Variants in PPP2R3B observed in about 807,000 individuals in gnomAD.
PPP2R3B encodes the protein serine/threonine-protein phosphatase 2A regulatory subunit B'' subunit beta.
Under a neutral mutation model 72.9 loss-of-function variants are expected in PPP2R3B, and 68 were observed. The ratio of observed to expected loss-of-function variants is 0.93; its 90% CI spans 0.77 to 1.14. The LOEUF (loss-of-function observed/expected upper bound fraction) is 1.14. Among genes scored for constraint, PPP2R3B ranks in the 50% most tolerant of loss-of-function variants. PPP2R3B has a pLI of 0.00. For synonymous variants in PPP2R3B, 466 were observed against 375.8 expected (o/e 1.24, Z -2.78); for missense variants, 1,018 against 842.0 (o/e 1.21, Z -2.59).
chrX:338,094 G>A (rs769678783), intron 12 of PPP2R3B: 11 of 176,910 alleles, frequency 6.2e-5, no homozygotes, highest in Admixed American at 2.7e-4. Flanking sequence ...GAAAACATAC[G>A]TCACAAACTG....
rs778507010 is a variant in PPP2R3B, at chrX:361,425, C to T, written c.490G>A (p.Asp164Asn). 1.1e-5 allele frequency: 17 copies of T among 1,613,892 alleles called. No homozygotes were observed. The highest frequency in any genetic ancestry group is 1.7e-5 in the Admixed American group (1 of 60,000). The change falls in exon 2 of 13, where the codon GAC becomes AAC. Residue 164 changes from aspartate (D) to asparagine (N), a missense_variant. Asp to Asn is a conservative substitution (Grantham distance 23, BLOSUM62 1). Transcript: ENST00000390665. ...CGTACCTTGGCCACCAGGCCCATGT[C>T]ATCCATGGTGGCCCTCTCGTGGGGG... Reference protein sequence around the residue: ...RFPHERATMDDMGLVAKACGC... With the variant: ...RFPHERATMDNMGLVAKACGC...
chrX:372,664 T>A (rs1051783218), intron 1 of PPP2R3B, among the ~76,000 whole-genome samples: 2 of 152,152 alleles, frequency 1.3e-5, no homozygotes, highest in Non-Finnish European at 2.9e-5. Flanking sequence ...GAACTGAGAT[T>A]AAATTTCAAA....
intron 2 of PPP2R3B, among the ~76,000 whole-genome samples, chrX:357,810 A>T (rs1334866708): frequency 6.6e-6 from 1 of 152,062 alleles, no homozygotes; most frequent in Non-Finnish European, 1.5e-5. Flanking sequence ...GGAGCTGATG[A>T]CTCTGTCTCA....
chrX:346,451 G>A, intron 5 of PPP2R3B, 191 bp from the exon 6 acceptor site: 1 of 641,996 alleles, frequency 1.6e-6, no homozygotes, highest in Non-Finnish European at 2.6e-6. Context: ...GGGAGGGTCT[G>A]GCCGGGGACG....
intron 1 of PPP2R3B, among the ~76,000 whole-genome samples, chrX:386,105 T>C (rs1346445126): frequency 6.8e-6 from 1 of 148,148 alleles, no homozygotes; most frequent in Non-Finnish European, 1.5e-5. Context: ...ATTAAAATAA[T>C]AAAATAAAAT....
rs758805427 is a variant in PPP2R3B, at chrX:354,409, G to A, written c.511-6716C>T. Among the ~76,000 whole-genome samples, 479 of 151,702 alleles carry A rather than the reference G, an allele frequency of 3.2e-3. 1 individual carries two copies. Among genetic ancestry groups the A allele is most frequent in the Non-Finnish European group, 5.6e-3 (381 of 67,812 alleles). ...AACAGGGACCGGGGGCTCACCCAAG[G>A]ACCGGGGCTGCCTTCACACTCAGAC... On this transcript the variant is annotated intron_variant, in intron 2 of 12. Coordinates refer to ENST00000390665, the MANE Select transcript of PPP2R3B (RefSeq NM_013239.5).
chrX:349,912 C>G (rs2071293036), intron 2 of PPP2R3B, among the ~76,000 whole-genome samples: 1 of 152,154 alleles, frequency 6.6e-6, no homozygotes, highest in Admixed American at 6.5e-5. Flanking sequence ...CCAGACGACT[C>G]TGTTGACCCA....
At chrX:383,449 A>G (rs988389659) in intron 1 of PPP2R3B, among the ~76,000 whole-genome samples, 7 of 152,214 alleles carry the variant, frequency 4.6e-5, no homozygotes, top group African/African-American at 1.7e-4. Context: ...TCGGGACACC[A>G]GACGCACCAG....
chrX:386,225 G>A, intron 1 of PPP2R3B, 143 bp downstream of exon 1: 1 of 488,226 alleles, frequency 2.0e-6, no homozygotes, highest in South Asian at 1.1e-4. Context: ...TGTGTGGTGG[G>A]GGGGGTCGGG....
intron 1 of PPP2R3B, among the ~76,000 whole-genome samples, chrX:376,269 G>A (rs2071990807): frequency 6.6e-6 from 1 of 151,022 alleles, no homozygotes; most frequent in Non-Finnish European, 1.5e-5. Context: ...CAGAGATTTA[G>A]ACTCTGACCT....
intron 2 of PPP2R3B, among the ~76,000 whole-genome samples, chrX:354,574 G>A (rs1181423412): frequency 2.6e-5 from 4 of 152,346 alleles, no homozygotes; most frequent in Middle Eastern, 6.8e-3. Flanking sequence ...GAGGCCAGGC[G>A]TGATGGCTCA....
chrX:341,712 C>T, intron 8 of PPP2R3B, 171 bp downstream of exon 8: 3 of 782,304 alleles, frequency 3.8e-6, no homozygotes, highest in Non-Finnish European at 6.6e-6. Flanking sequence ...TTGTGCCACC[C>T]CCCCCCACTA....
chrX:341,049 G>A (rs2071055883), intron 9 of PPP2R3B, 109 bp from the exon 10 acceptor site: 4 of 1,441,642 alleles, frequency 2.8e-6, no homozygotes, highest in Admixed American at 4.1e-5. Context: ...GCTGTGCCTT[G>A]CAGCCCCCAC....
intron 2 of PPP2R3B, among the ~76,000 whole-genome samples, chrX:353,091 T>C (rs1448739214): frequency 2.0e-5 from 3 of 151,916 alleles, no homozygotes; most frequent in Non-Finnish European, 4.4e-5. Flanking sequence ...TGGGTGGCAG[T>C]GGCCGGGTGC....
intron 12 of PPP2R3B, chrX:335,225 G>C (rs1366565732): frequency 6.6e-6 from 1 of 152,188 alleles, no homozygotes; most frequent in South Asian, 2.1e-4. Context: ...ACACAAAGCC[G>C]GGCAGCCGTG....
At position 345,595 on chromosome X, in the gene PPP2R3B, GATGACGTAGAA is replaced by G; in HGVS notation, c.946_956del (p.Phe316LeufsTer25). On this transcript the variant is annotated frameshift_variant, in exon 7 of 13. Transcript: ENST00000390665. LOFTEE classifies it high-confidence loss of function. ...TGTCCAGCTCCCAGAACTTGCAGTA[GATGACGTAGAA>G]ATGCTCGTACGAGAAGAATTCGGTC... 6.2e-7 allele frequency: 1 copy of G among 1,613,342 alleles called. No individual in the cohort carries two copies. The highest frequency in any genetic ancestry group is 8.5e-7 in the Non-Finnish European group (1 of 1,179,568).
At chrX:346,845 C>T (rs28707751) in intron 4 of PPP2R3B, 70 bp from the exon 5 acceptor site, 2 of 1,395,718 alleles carry the variant, frequency 1.4e-6, no homozygotes, top group Admixed American at 1.9e-5. Context: ...GGTGTGGACG[C>T]TGCAGACGCG....
intron 12 of PPP2R3B, chrX:335,305 G>A (rs2070858779): frequency 1.3e-5 from 2 of 152,362 alleles, no homozygotes. Flanking sequence ...CACCCATCCA[G>A]GCTAGGTCTG....
At chrX:368,277 G>A (rs1433762333) in intron 1 of PPP2R3B, among the ~76,000 whole-genome samples, 1 of 143,948 alleles carries the variant, frequency 6.9e-6, no homozygotes, top group South Asian at 2.2e-4. Flanking sequence ...GGAAGGCCGG[G>A]ACCACCCACC....
Sources: allele counts gnomAD v4.1 joint callset (sites outside exome capture counted in the v4.1 genomes callset), GRCh38; gene constraint gnomAD v4.1.1; transcripts MANE v1.5; gene names NCBI Gene and HGNC (gene_info 2026-07-23, HGNC 2026-07-21).